THSD4: variants seen among roughly 807,000 people sequenced by gnomAD.
The protein encoded by THSD4 is thrombospondin type-1 domain-containing protein 4.
THSD4 carries 69 observed loss-of-function variants against 119.0 expected under a neutral mutation model. The observed-to-expected ratio is 0.58, with a 90% confidence interval of 0.48 to 0.71. The LOEUF (loss-of-function observed/expected upper bound fraction) is 0.71. THSD4 is among the 30% of genes least tolerant of loss of function. The probability of loss-of-function intolerance (pLI) is 0.00; values close to 1 mark genes in which losing one functional copy is unlikely to be tolerated. For synonymous variants in THSD4, 524 were observed against 540.4 expected, an observed-to-expected ratio of 0.97 and a Z score of 0.42; for missense variants, 1,393 against 1,391.1, an observed-to-expected ratio of 1.00 and a Z score of -0.02.
intron 7 of THSD4, among the ~76,000 whole-genome samples, chr15:71,566,738 C>A (rs1436026871): frequency 2.0e-5 from 3 of 151,862 alleles, no homozygotes; most frequent in Non-Finnish European, 4.4e-5. Flanking sequence ...CAGGGCCCCC[C>A]CTCTTTCCCC....
At chr15:71,242,451 C>T (rs11633459) in intron 4 of THSD4, among the ~76,000 whole-genome samples, 198 bp from the exon 5 acceptor site, 41,362 of 151,976 alleles carry the variant, frequency 0.27, 6,417 homozygotes, top group South Asian at 0.42. Flanking sequence ...TTCTACTTTC[C>T]AACTTCTGTG....
chr15:71,383,307 T>C (rs532286982), intron 6 of THSD4, among the ~76,000 whole-genome samples: 3 of 152,316 alleles, frequency 2.0e-5, no homozygotes, highest in South Asian at 4.1e-4. Context: ...AAGCATCTAA[T>C]GATTTTTTTC....
intron 3 of THSD4, among the ~76,000 whole-genome samples, chr15:71,196,082 C>A (rs543306769): frequency 1.7e-4 from 26 of 152,238 alleles, no homozygotes; most frequent in African/African-American, 6.3e-4. Context: ...TGCATCCTCA[C>A]ATAGTGGAAA....
intron 17 of THSD4, among the ~76,000 whole-genome samples, chr15:71,772,251 T>C (rs963844750): frequency 6.6e-6 from 1 of 152,210 alleles, no homozygotes; most frequent in African/African-American, 2.4e-5. Flanking sequence ...CCTAACATCC[T>C]TCCTATCCCA....
chr15:71,200,850 T>C (rs1048700080), intron 3 of THSD4, among the ~76,000 whole-genome samples: 1 of 152,186 alleles, frequency 6.6e-6, no homozygotes, highest in African/African-American at 2.4e-5. Flanking sequence ...ATGTGTGAGA[T>C]GCCATATTGG....
chr15:71,414,205 AAG>A (rs1321124036), intron 7 of THSD4, among the ~76,000 whole-genome samples: 5 of 152,220 alleles, frequency 3.3e-5, no homozygotes, highest in South Asian at 2.1e-4. Flanking sequence ...TGTTGCGGTG[AAG>A]AGTCATGACC....
intron 7 of THSD4, among the ~76,000 whole-genome samples, chr15:71,442,578 AAAT>A (rs2047113878): frequency 2.1e-5 from 1 of 47,120 alleles, no homozygotes; most frequent in South Asian, 1.1e-3. Flanking sequence ...CAAAAAAAAA[AAAT>A]ATATATATAT....
chr15:71,291,228 ATATGT>A (rs1335093983), intron 6 of THSD4, among the ~76,000 whole-genome samples: 1 of 152,138 alleles, frequency 6.6e-6, no homozygotes, highest in African/African-American at 2.4e-5. Flanking sequence ...CAGTTCTTTC[ATATGT>A]TATCACATAT....
chr15:71,746,520 G>A (rs2053340745), intron 12 of THSD4, among the ~76,000 whole-genome samples: 2 of 152,014 alleles, frequency 1.3e-5, no homozygotes, highest in East Asian at 3.9e-4. Flanking sequence ...TCAGCCTCCC[G>A]AGTAGCTGGG....
At chr15:71,199,801 G>GTA (rs2043773767) in intron 3 of THSD4, among the ~76,000 whole-genome samples, 24 of 146,684 alleles carry the variant, frequency 1.6e-4, no homozygotes, top group African/African-American at 6.3e-4. Context: ...CTGTGTGTGT[G>GTA]CTGTGTGTGT....
chr15:71,415,552 T>C (rs1462391293), intron 7 of THSD4, among the ~76,000 whole-genome samples: 1 of 152,208 alleles, frequency 6.6e-6, no homozygotes, highest in Non-Finnish European at 1.5e-5. Context: ...CCAGTTATAC[T>C]GAGTTATTTT....
intron 5 of THSD4, among the ~76,000 whole-genome samples, chr15:71,249,604 A>G (rs1340420491): frequency 2.0e-5 from 3 of 152,096 alleles, no homozygotes; most frequent in African/African-American, 7.2e-5. Context: ...GACTTCATAT[A>G]TATATACACA....
intron 6 of THSD4, among the ~76,000 whole-genome samples, chr15:71,352,239 G>A (rs187578193): frequency 4.1e-4 from 63 of 152,268 alleles, no homozygotes; most frequent in Non-Finnish European, 7.1e-4. Context: ...TTCCAGGACC[G>A]TCACTTCTGG....
At chr15:71,770,423 G>A (rs1244197377) in intron 16 of THSD4, among the ~76,000 whole-genome samples, 1 of 151,724 alleles carries the variant, frequency 6.6e-6, no homozygotes, top group African/African-American at 2.4e-5. Flanking sequence ...GGGAGGTCGA[G>A]GTGGGCAGAT....
At chr15:71,419,106 A>G (rs1290785969) in intron 7 of THSD4, among the ~76,000 whole-genome samples, 2 of 104,656 alleles carry the variant, frequency 1.9e-5, no homozygotes, top group Non-Finnish European at 4.2e-5. Flanking sequence ...CTTTTCAAAA[A>G]CCAACTTATC....
intron 6 of THSD4, among the ~76,000 whole-genome samples, chr15:71,336,979 G>T (rs549465801): frequency 7.6e-4 from 116 of 152,280 alleles, no homozygotes; most frequent in African/African-American, 2.7e-3. Flanking sequence ...TTACTTGAGG[G>T]CCTTCCAATC....
chr15:71,747,127 G>A (rs999589922), intron 13 of THSD4, 85 bp downstream of exon 13: 5 of 1,462,680 alleles, frequency 3.4e-6, no homozygotes, highest in African/African-American at 1.4e-5. Context: ...ACCTGAGATG[G>A]GTAACCCTGA....
intron 1 of THSD4, among the ~76,000 whole-genome samples, chr15:71,097,868 A>G (rs1324656285): frequency 1.3e-5 from 2 of 151,978 alleles, no homozygotes; most frequent in African/African-American, 4.8e-5. Flanking sequence ...AACTGAGGCA[A>G]GTTTTTTGCC....
chr15:71,490,575 A>C (rs2047902432), intron 7 of THSD4, among the ~76,000 whole-genome samples: 1 of 148,346 alleles, frequency 6.7e-6, no homozygotes, highest in African/African-American at 2.5e-5. Flanking sequence ...AAAAAAAAAA[A>C]AAAAACATTA....
Sources: allele counts gnomAD v4.1 joint callset (sites outside exome capture counted in the v4.1 genomes callset), GRCh38; gene constraint gnomAD v4.1.1; transcripts MANE v1.5; gene names NCBI Gene and HGNC (gene_info 2026-07-23, HGNC 2026-07-21).